PDZRN4: variants seen among roughly 807,000 people sequenced by gnomAD.
The protein encoded by PDZRN4 is PDZ domain-containing RING finger protein 4.
A neutral mutation model predicts 99.0 loss-of-function variants in PDZRN4; 70 were observed. The observed-to-expected ratio is 0.71, with a 90% CI of 0.58 to 0.86. The LOEUF is 0.86. Among genes scored for constraint, PDZRN4 ranks in the 40% least tolerant of loss-of-function variants. The pLI is 0.00. For synonymous variants in PDZRN4, 551 were observed against 501.6 expected (o/e 1.10, Z -1.32); for missense variants, 1,474 against 1,331.2 (o/e 1.11, Z -1.67).
chr12:41,504,899 A>C (rs1045853535), intron 3 of PDZRN4, among the ~76,000 whole-genome samples: 50 of 152,194 alleles, frequency 3.3e-4, no homozygotes, highest in Non-Finnish European at 5.9e-5. Flanking sequence ...TTCAAGAGCA[A>C]GAACTGAATT....
chr12:41,204,715 G>C (rs932255940), intron 3 of PDZRN4, among the ~76,000 whole-genome samples: 1 of 151,962 alleles, frequency 6.6e-6, no homozygotes, highest in Non-Finnish European at 1.5e-5. Flanking sequence ...ACCTTCACCT[G>C]GTCTCTCCCT....
At chr12:41,195,799 C>T (rs1016341270) in intron 3 of PDZRN4, among the ~76,000 whole-genome samples, 6 of 152,142 alleles carry the variant, frequency 3.9e-5, no homozygotes, top group Non-Finnish European at 7.4e-5. Context: ...TAAAGGGCAA[C>T]ATACTTTAAA....
chr12:41,204,605 T>C (rs1950836167), intron 3 of PDZRN4, among the ~76,000 whole-genome samples: 1 of 151,956 alleles, frequency 6.6e-6, no homozygotes, highest in African/African-American at 2.4e-5. Context: ...GGAGAATAAA[T>C]GCAGGAGGAA....
rs569510952 is a variant in PDZRN4, at chr12:41,540,741, T to C, written c.1204-11915T>C. 7.9e-5 allele frequency among the ~76,000 whole-genome samples: 12 copies of C among 152,360 alleles called. No individual in the cohort carries two copies. In the South Asian group the frequency reaches 8.3e-4, roughly 11 times the overall value. On this transcript the variant is annotated intron_variant, in intron 5 of 9. Coordinates refer to ENST00000402685, the MANE Select transcript of PDZRN4 (RefSeq NM_001164595.2). ...TTCTAGCTCAATTTTACAGTAAATA[T>C]AGCCTCTCTATTAAACTCTGTGTGC...
At chr12:41,494,770 A>G (rs909818550) in intron 3 of PDZRN4, among the ~76,000 whole-genome samples, 5 of 152,108 alleles carry the variant, frequency 3.3e-5, no homozygotes, top group Non-Finnish European at 7.4e-5. Context: ...TGGCCTTTCT[A>G]CTGTGATTTC....
chr12:41,507,409 C>T (rs565382776), intron 4 of PDZRN4, among the ~76,000 whole-genome samples: 56 of 152,120 alleles, frequency 3.7e-4, no homozygotes, highest in Non-Finnish European at 6.9e-4. Flanking sequence ...TGTGAGCTTT[C>T]GAGCAAATAT....
At chr12:41,285,328 T>C (rs1951416022) in intron 3 of PDZRN4, among the ~76,000 whole-genome samples, 1 of 152,166 alleles carries the variant, frequency 6.6e-6, no homozygotes, top group South Asian at 2.1e-4. Context: ...CCAGTTAGAA[T>C]GGCAGTCATT....
At chr12:41,516,856 CAG>C (rs1938409018) in intron 5 of PDZRN4, among the ~76,000 whole-genome samples, 1 of 151,618 alleles carries the variant, frequency 6.6e-6, no homozygotes, top group Admixed American at 6.6e-5. Context: ...TTAGTTGAGA[CAG>C]ATACTTCATA....
intron 3 of PDZRN4, among the ~76,000 whole-genome samples, chr12:41,207,745 GAATAGC>G (rs2120684199): frequency 6.6e-6 from 1 of 151,930 alleles, no homozygotes; most frequent in Non-Finnish European, 1.5e-5. Context: ...GGATTTCAGT[GAATAGC>G]AATAATTTAA....
chr12:41,539,209 G>A (rs1296873099), intron 5 of PDZRN4, among the ~76,000 whole-genome samples: 2 of 151,794 alleles, frequency 1.3e-5, no homozygotes, highest in Non-Finnish European at 2.9e-5. Context: ...TCTTCTAAGA[G>A]TATACATATT....
chr12:41,338,082 C>T (rs926613136), intron 3 of PDZRN4, among the ~76,000 whole-genome samples: 1 of 152,044 alleles, frequency 6.6e-6, no homozygotes, highest in Non-Finnish European at 1.5e-5. Flanking sequence ...TTTGTAGTTG[C>T]TTGCTAATAT....
intron 3 of PDZRN4, among the ~76,000 whole-genome samples, chr12:41,377,480 C>A (rs549803499): frequency 6.6e-6 from 1 of 152,054 alleles, no homozygotes; most frequent in Non-Finnish European, 1.5e-5. Context: ...CTGGCTAACA[C>A]GGTGAAACCC....
chr12:41,322,792 G>A lies in PDZRN4; in HGVS notation c.843+128604G>A, dbSNP rs151315756. 6.6e-3 allele frequency among the ~76,000 whole-genome samples: 1,009 copies of A among 152,016 alleles called. 5 individuals carry two copies. Among genetic ancestry groups the A allele is most frequent in the Non-Finnish European group, 0.01 (692 of 67,958 alleles). ...ATTACAGGCGTGAGCCACCGCGCCG[G>A]GCAAAATTTTCTTAAAGTTATTGGA... On this transcript the variant is annotated intron_variant, in intron 3 of 9. Coordinates refer to ENST00000402685, the MANE Select transcript of PDZRN4 (RefSeq NM_001164595.2).
intron 5 of PDZRN4, among the ~76,000 whole-genome samples, chr12:41,541,741 C>T (rs957366044): frequency 1.3e-5 from 2 of 152,176 alleles, no homozygotes; most frequent in Admixed American, 1.3e-4. Flanking sequence ...GCGTGAGCCA[C>T]CACGCCCGGC....
intron 7 of PDZRN4, 77 bp from the exon 8 acceptor site, chr12:41,563,471 T>C (rs1939308763): frequency 1.8e-5 from 18 of 1,024,514 alleles, no homozygotes; most frequent in Non-Finnish European, 1.5e-6. Context: ...TTACCATAAA[T>C]GAGCTGATAT....
chr12:41,298,321 T>G (rs1951509090), intron 3 of PDZRN4, among the ~76,000 whole-genome samples: 2 of 152,208 alleles, frequency 1.3e-5, no homozygotes, highest in South Asian at 4.1e-4. Context: ...TTGCTATTTG[T>G]ATGTTATACA....
At position 41,534,003 on chromosome 12, in the gene PDZRN4, T is replaced by A. The variant is rs908222990; in HGVS notation, c.1204-18653T>A. ...TCTTTTAGTGCTTATCTTAGAAATTTGAGTTTAACAATTTCAAAATTAATT... is the reference window on the plus strand; with the variant it reads ...TCTTTTAGTGCTTATCTTAGAAATTAGAGTTTAACAATTTCAAAATTAATT... On this transcript the variant is annotated intron_variant, in intron 5 of 9. Coordinates refer to ENST00000402685, the MANE Select transcript of PDZRN4 (RefSeq NM_001164595.2). Among the ~76,000 whole-genome samples, 10 of 152,212 alleles carry A rather than the reference T, an allele frequency of 6.6e-5. 1 individual carries two copies. The highest frequency in any genetic ancestry group is 1.5e-4 in the Non-Finnish European group (10 of 68,042).
At chr12:41,396,778 G>A (rs746708255) in intron 3 of PDZRN4, among the ~76,000 whole-genome samples, 15 of 152,132 alleles carry the variant, frequency 9.9e-5, no homozygotes, top group Non-Finnish European at 1.3e-4. Flanking sequence ...AAGATCTAAT[G>A]TAAAGACTTT....
intron 3 of PDZRN4, among the ~76,000 whole-genome samples, chr12:41,272,414 A>G (rs1037222749): frequency 6.6e-5 from 10 of 152,138 alleles, no homozygotes; most frequent in African/African-American, 2.4e-4. Flanking sequence ...AAATATATTG[A>G]TCCTAAAGTG....
Sources: gnomAD v4.1 joint callset for allele counts (sites outside exome capture counted in the v4.1 genomes callset) on GRCh38, gnomAD v4.1.1 for gene constraint, MANE v1.5 for transcripts, NCBI Gene and HGNC (gene_info 2026-07-23, HGNC 2026-07-21) for gene names.